The following ITPKB variants were observed in gnomAD, a reference collection of about 807,000 sequenced individuals.
ITPKB encodes inositol-trisphosphate 3-kinase B, also known as IP3 3-kinase B.
A neutral mutation model predicts 69.4 loss-of-function variants in ITPKB; 13 were observed. That is an observed-to-expected ratio of 0.19 (90% confidence interval 0.12 to 0.30). The LOEUF (loss-of-function observed/expected upper bound fraction) is 0.30, where lower values mean the gene tolerates loss of function less well. Among genes scored for constraint, ITPKB ranks in the 10% least tolerant of loss-of-function variants. The probability of loss-of-function intolerance (pLI) is 1.00; values close to 1 mark genes in which losing one functional copy is unlikely to be tolerated. For missense variants in ITPKB, 1,240 were observed against 1,250.5 expected (o/e 0.99, Z 0.13); for synonymous variants, 584 against 513.7 (o/e 1.14, Z -1.85).
chr1:226,662,551 G>A (rs897542694), intron 2 of ITPKB, among the ~76,000 whole-genome samples: 2 of 152,202 alleles, frequency 1.3e-5, no homozygotes, highest in Admixed American at 6.5e-5. Flanking sequence ...TCTAGGCCAA[G>A]AACATTAATG....
chr1:226,735,076 G>A (rs897890566), intron 2 of ITPKB, among the ~76,000 whole-genome samples: 1 of 152,160 alleles, frequency 6.6e-6, no homozygotes, highest in Non-Finnish European at 1.5e-5. Context: ...ATTAGTAGAG[G>A]CTAACTTAAT....
intron 6 of ITPKB, among the ~76,000 whole-genome samples, chr1:226,638,252 T>C (rs1170642152): frequency 1.3e-5 from 2 of 152,220 alleles, no homozygotes; most frequent in Admixed American, 6.5e-5. Flanking sequence ...GCTTAGGGGC[T>C]GAGATCCTCC....
intron 2 of ITPKB, among the ~76,000 whole-genome samples, chr1:226,664,780 C>A (rs981285032): frequency 6.6e-6 from 1 of 152,196 alleles, no homozygotes; most frequent in African/African-American, 2.4e-5. Flanking sequence ...CAAAGAGCCC[C>A]GGGATTCAAG....
intron 2 of ITPKB, among the ~76,000 whole-genome samples, chr1:226,679,397 G>T (rs1656023884): frequency 6.6e-6 from 1 of 152,154 alleles, no homozygotes; most frequent in African/African-American, 2.4e-5. Context: ...AGTTCTTCTG[G>T]TTCCAGCTCT....
In ITPKB at chr1:226,649,668, T is replaced by C. The variant is rs573911993; in HGVS notation, c.1933-897A>G. ...GAACTAAGGTATATTGAGCATCTTATTTTATTTTCTCAATGAGCATGCAAG... is the reference window on the plus strand; with the variant it reads ...GAACTAAGGTATATTGAGCATCTTACTTTATTTTCTCAATGAGCATGCAAG... On this transcript the variant is annotated intron_variant, in intron 2 of 7. Coordinates refer to ENST00000429204, the MANE Select transcript of ITPKB (RefSeq NM_002221.4). Among the ~76,000 whole-genome samples the C allele has an allele frequency of 2.9e-4, 43 of 146,300 alleles. No homozygotes were observed. The South Asian group carries it at 6.6e-3, about 22-fold the overall frequency.
intron 2 of ITPKB, among the ~76,000 whole-genome samples, chr1:226,662,048 G>A (rs192854542): frequency 6.6e-6 from 1 of 152,280 alleles, no homozygotes; most frequent in African/African-American, 2.4e-5. Flanking sequence ...GTGTGAGAGG[G>A]AGTGCACGGA....
chr1:226,730,049 A>T (rs1657541640), intron 2 of ITPKB, among the ~76,000 whole-genome samples: 2 of 152,184 alleles, frequency 1.3e-5, no homozygotes, highest in Admixed American at 1.3e-4. Flanking sequence ...TCTTCACCAG[A>T]AAGTTGGGGT....
At chr1:226,697,907 G>A (rs78356057) in intron 2 of ITPKB, among the ~76,000 whole-genome samples, 2,299 of 152,260 alleles carry the variant, frequency 0.015, 108 homozygotes, top group Admixed American at 0.081. Context: ...GGGGCAGCCC[G>A]GTCACAGCCA....
At chr1:226,646,400 G>A (rs979855896) in intron 4 of ITPKB, among the ~76,000 whole-genome samples, 2 of 152,166 alleles carry the variant, frequency 1.3e-5, no homozygotes, top group Admixed American at 6.5e-5. Context: ...ACTGAGCCCC[G>A]AGATCACAGC....
rs755039028 is a variant in ITPKB, at chr1:226,736,454, G to T, written c.1005C>A (p.Asp335Glu). 6.2e-7 allele frequency: 1 copy of T among 1,613,666 alleles called. No individual in the cohort carries two copies. The highest frequency in any genetic ancestry group is 1.7e-5 in the Admixed American group (1 of 60,026). ...CCACCAGGGCCTCTGGGGGCTGCAG[G>T]TCCTCAAGCTCACGGGCTCTCCCAG... ...EPSGRARELE[D>E]LQPPEALVER... The change falls in exon 2 of 8, where the codon GAC becomes GAA. Residue 335 changes from aspartate (D) to glutamate (E), a missense_variant. Asp to Glu is a conservative substitution (Grantham distance 45). Coordinates refer to ENST00000429204, the MANE Select transcript of ITPKB (RefSeq NM_002221.4).
chr1:226,664,999 T>C (rs1022923746), intron 2 of ITPKB, among the ~76,000 whole-genome samples: 3 of 152,020 alleles, frequency 2.0e-5, no homozygotes, highest in African/African-American at 7.3e-5. Context: ...CGTGGGTGAG[T>C]GACTAGCAGC....
At chr1:226,699,034 G>A (rs549978450) in intron 2 of ITPKB, among the ~76,000 whole-genome samples, 1 of 152,336 alleles carries the variant, frequency 6.6e-6, no homozygotes, top group South Asian at 2.1e-4. Context: ...CAGGTTCCTT[G>A]AACTCTCCAT....
At chr1:226,643,148 CG>C (rs1165490080) in intron 4 of ITPKB, among the ~76,000 whole-genome samples, 1 of 152,190 alleles carries the variant, frequency 6.6e-6, no homozygotes, top group East Asian at 1.9e-4. Context: ...GCTGAACTGG[CG>C]GGGACCACCT....
Position 226,642,298 on chromosome 1 carries a change from G to C in ITPKB, c.2247-173C>G, listed in dbSNP as rs546104230. Among the ~76,000 whole-genome samples, 6 of 152,170 alleles carry C rather than the reference G, an allele frequency of 3.9e-5. No homozygotes were observed. Among genetic ancestry groups the C allele is most frequent in the African/African-American group, 1.4e-4 (6 of 41,528 alleles). On this transcript the variant is annotated intron_variant, in intron 4 of 7. Coordinates refer to ENST00000429204, the MANE Select transcript of ITPKB (RefSeq NM_002221.4). The surrounding 1 kb of genome is among the most constrained non-coding windows in gnomAD (Gnocchi z 6.4). ...CGAGGGGACGGCAGACTCTGTTCCA[G>C]CTGGGGCTGGCTCTAATTTTTCTTT...
At chr1:226,696,518 C>T (rs1340738296) in intron 2 of ITPKB, among the ~76,000 whole-genome samples, 1 of 152,108 alleles carries the variant, frequency 6.6e-6, no homozygotes, top group East Asian at 1.9e-4. Flanking sequence ...ATGCCCGGCC[C>T]CTGTATTTTC....
Position 226,633,544 on chromosome 1 carries a change from C to G in ITPKB, c.*1127G>C, listed in dbSNP as rs1668766217. The G allele has an allele frequency of 6.6e-6, 1 of 152,208 alleles. No individual in the cohort carries two copies. Among genetic ancestry groups the G allele is most frequent in the African/African-American group, 2.4e-5 (1 of 41,448 alleles). 9.4% of individuals were successfully genotyped at this position (152,208 alleles called of 1,614,324 possible). ...TGCCTGGAGCACGCCCTGGCATCCACCACATACCCTACAAGATACCCACAC... is the reference window on the plus strand; with the variant it reads ...TGCCTGGAGCACGCCCTGGCATCCAGCACATACCCTACAAGATACCCACAC... On this transcript the variant is annotated 3_prime_UTR_variant, in exon 8 of 8. Coordinates refer to ENST00000429204, the MANE Select transcript of ITPKB (RefSeq NM_002221.4).
intron 2 of ITPKB, among the ~76,000 whole-genome samples, chr1:226,734,569 T>C (rs1304926579): frequency 1.3e-5 from 2 of 152,216 alleles, no homozygotes; most frequent in Non-Finnish European, 2.9e-5. Flanking sequence ...CCATGCTCTC[T>C]GGAAAAGCTA....
intron 2 of ITPKB, among the ~76,000 whole-genome samples, chr1:226,653,387 C>A (rs1323139318): frequency 1.3e-5 from 2 of 152,192 alleles, no homozygotes; most frequent in Non-Finnish European, 2.9e-5. Flanking sequence ...CAAGATTCCT[C>A]CAGGGCGGTT....
At chr1:226,702,633 GA>G (rs1192513980) in intron 2 of ITPKB, among the ~76,000 whole-genome samples, 1 of 152,166 alleles carries the variant, frequency 6.6e-6, no homozygotes, top group Non-Finnish European at 1.5e-5. Context: ...TTGGCTCCAA[GA>G]AATGCACGAA....
Sources: allele counts gnomAD v4.1 joint callset (sites outside exome capture counted in the v4.1 genomes callset), GRCh38; gene constraint gnomAD v4.1.1; non-coding constraint Gnocchi (gnomAD v3.1); transcripts MANE v1.5; gene names NCBI Gene and HGNC (gene_info 2026-07-23, HGNC 2026-07-21).